Variants in ITGA11 observed in about 807,000 individuals in gnomAD.
ITGA11 encodes the protein integrin subunit alpha 11, also known as integrin alpha-11.
Under a neutral mutation model 141.9 loss-of-function variants are expected in ITGA11, and 97 were observed. The ratio of observed to expected loss-of-function variants is 0.68; its 90% CI spans 0.58 to 0.81. ITGA11 has a LOEUF of 0.81. Ranked by LOEUF, ITGA11 falls within the 30% of genes least tolerant of loss-of-function variation. ITGA11 has a pLI of 0.00. For synonymous variants in ITGA11, 658 were observed against 624.6 expected, an observed-to-expected ratio of 1.05 and a Z score of -0.80; for missense variants, 1,387 against 1,559.2, an observed-to-expected ratio of 0.89 and a Z score of 1.86.
chr15:68,365,824 C>A (rs1895405346), intron 3 of ITGA11, among the ~76,000 whole-genome samples: 1 of 151,944 alleles, frequency 6.6e-6, no homozygotes, highest in Admixed American at 6.6e-5. Context: ...CAATCTCCAA[C>A]TCCCAGGTTC....
chr15:68,327,981 T>C, intron 16 of ITGA11, 115 bp downstream of exon 16: 2 of 1,035,686 alleles, frequency 1.9e-6, no homozygotes, highest in Non-Finnish European at 2.8e-6. Flanking sequence ...AAGGTGGCTC[T>C]TGGGCGACCT....
Position 68,351,390 on chromosome 15 carries a change from G to C in ITGA11, c.762C>G (p.Phe254Leu). 6.2e-7 allele frequency: 1 copy of C among 1,613,822 alleles called. No individual in the cohort carries two copies. The highest frequency in any genetic ancestry group is 8.5e-7 in the Non-Finnish European group (1 of 1,179,864). ...TGGCTCCTTTCCTTCCACCCTTCTG[G>C]AAAGCCTCTGAGCTGGAAGCCAAGC... ...FGIEFARSEAFQKGGRKGAKK... is the reference protein window; with the variant it reads ...FGIEFARSEALQKGGRKGAKK... The change falls in exon 8 of 30, where the codon TTC (phenylalanine) becomes TTG (leucine). Residue 254 changes from phenylalanine (F) to leucine (L), a missense_variant. By Grantham distance (22) the Phe-to-Leu change is conservative. Transcript: ENST00000315757.
chr15:68,341,336 C>T (rs1316454375), intron 10 of ITGA11, among the ~76,000 whole-genome samples: 1 of 152,230 alleles, frequency 6.6e-6, no homozygotes, highest in African/African-American at 2.4e-5. Flanking sequence ...AACATTCCTG[C>T]ACGTGGGGTG....
intron 28 of ITGA11, among the ~76,000 whole-genome samples, chr15:68,306,619 AC>A (rs2140264386): frequency 6.6e-6 from 1 of 152,300 alleles, no homozygotes; most frequent in South Asian, 2.1e-4. Flanking sequence ...GAATGAACAA[AC>A]AAAAAAGCTC....
chr15:68,369,634 T>C (rs557671915), intron 2 of ITGA11, among the ~76,000 whole-genome samples: 2 of 152,292 alleles, frequency 1.3e-5, no homozygotes, highest in South Asian at 4.1e-4. Flanking sequence ...GTTTGTCAAA[T>C]GACGAGAGAG....
chr15:68,313,964 T>A (rs1893485153), intron 22 of ITGA11, 96 bp from the exon 23 acceptor site: 5 of 935,148 alleles, frequency 5.3e-6, no homozygotes, highest in Middle Eastern at 2.1e-4. Context: ...GCACACTGGC[T>A]TATCTGGGGC....
At position 68,305,202 on chromosome 15, in the gene ITGA11, A is replaced by G. The variant is rs943517063; in HGVS notation, c.3382-1317T>C. 2.0e-5 allele frequency among the ~76,000 whole-genome samples: 3 copies of G among 152,092 alleles called. No homozygotes were observed. The highest frequency in any genetic ancestry group is 4.8e-5 in the African/African-American group (2 of 41,416). On this transcript the variant is annotated intron_variant, in intron 28 of 29. Transcript: ENST00000315757. This position sits in a 1 kb window ranked among gnomAD's most constrained non-coding sequence, Gnocchi z 4.6. The stretch of plus-strand genomic sequence containing the variant: ...TGGCGTGCCTGCTGTAGGCATTGCT[A>G]TTCCCTCTGCCTGCAAGGGTTTCCC...
rs762553492 is a variant in ITGA11 at position 68,333,759 on chromosome 15, G to A, written c.1426-1281C>T. Among the ~76,000 whole-genome samples the A allele has an allele frequency of 1.2e-4, 18 of 152,138 alleles. No homozygotes were observed. Among genetic ancestry groups the A allele is most frequent in the Non-Finnish European group, 1.9e-4 (13 of 68,026 alleles). On this transcript the variant is annotated intron_variant, in intron 12 of 29. Coordinates refer to ENST00000315757, the MANE Select transcript of ITGA11 (RefSeq NM_001004439.2). The surrounding 1 kb of genome is among the most constrained non-coding windows in gnomAD (Gnocchi z 4.2). ...TAACACCACTCCACCTCTTGCTTTT[G>A]GGATAGTATCTAAACTCTCTAGCAG...
chr15:68,356,258 G>A (rs1895066831), intron 7 of ITGA11, among the ~76,000 whole-genome samples: 1 of 150,962 alleles, frequency 6.6e-6, no homozygotes. Context: ...GCCATGCCCG[G>A]CTAATTTGTT....
intron 8 of ITGA11, 106 bp from the exon 9 acceptor site, chr15:68,350,888 G>C (rs990664526): frequency 9.4e-6 from 11 of 1,166,086 alleles, no homozygotes; most frequent in Admixed American, 4.8e-5. Context: ...TGGAGCCAGG[G>C]CCGGTAGCCA....
chr15:68,314,191 G>A (rs1239243106), intron 22 of ITGA11, among the ~76,000 whole-genome samples: 4 of 152,010 alleles, frequency 2.6e-5, no homozygotes, highest in Non-Finnish European at 4.4e-5. Context: ...TCTGTCAGGC[G>A]GGCCAATCCT....
intron 2 of ITGA11, among the ~76,000 whole-genome samples, chr15:68,402,608 A>G (rs961468341): frequency 6.6e-5 from 10 of 152,218 alleles, no homozygotes; most frequent in African/African-American, 2.4e-4. Context: ...CCAGGTAGAC[A>G]TGACCAGGGG....
chr15:68,315,988 T>C (rs1893562080), intron 21 of ITGA11, among the ~76,000 whole-genome samples: 1 of 152,186 alleles, frequency 6.6e-6, no homozygotes, highest in South Asian at 2.1e-4. Flanking sequence ...CCCCCCTCCC[T>C]CTTCCTCTTC....
intron 12 of ITGA11, among the ~76,000 whole-genome samples, chr15:68,332,761 T>G (rs1894218110): frequency 6.6e-6 from 1 of 152,236 alleles, no homozygotes; most frequent in Non-Finnish European, 1.5e-5. Context: ...ATTTATCTTG[T>G]GTGTAAAGTG....
At chr15:68,369,141 C>T (rs1326009177) in intron 3 of ITGA11, 43 bp downstream of exon 3, 1 of 1,430,914 alleles carries the variant, frequency 7.0e-7, no homozygotes, top group South Asian at 1.1e-5. Flanking sequence ...TTGTGTTAGA[C>T]AACCGCTGGC....
At chr15:68,318,441 T>C (rs2140283775) in intron 20 of ITGA11, among the ~76,000 whole-genome samples, 1 of 152,152 alleles carries the variant, frequency 6.6e-6, no homozygotes, top group East Asian at 1.9e-4. Context: ...CAGACACAAG[T>C]CCCTGGACAG....
At chr15:68,329,439 A>G (rs1894083988) in intron 15 of ITGA11, among the ~76,000 whole-genome samples, 1 of 152,214 alleles carries the variant, frequency 6.6e-6, no homozygotes, top group Non-Finnish European at 1.5e-5. Context: ...GTCATGTTTG[A>G]GAACTATGGG....
rs1893908971 is a variant in ITGA11, at chr15:68,324,455, T to C, written c.2322+676A>G. On this transcript the variant is annotated intron_variant, in intron 18 of 29. Coordinates refer to ENST00000315757, the MANE Select transcript of ITGA11 (RefSeq NM_001004439.2). The surrounding 1 kb of genome is among the most constrained non-coding windows in gnomAD (Gnocchi z 6.3). ...ATCCTCAAGGTTCAGGCATTAGCTATTCCATTTTATAACTTTTGCCTGCTC... is the reference window on the plus strand; with the variant it reads ...ATCCTCAAGGTTCAGGCATTAGCTACTCCATTTTATAACTTTTGCCTGCTC... 6.6e-6 allele frequency among the ~76,000 whole-genome samples: 1 copy of C among 152,180 alleles called. No individual in the cohort carries two copies. The highest frequency in any genetic ancestry group is 1.5e-5 in the Non-Finnish European group (1 of 68,036).
At position 68,299,276 on chromosome 15, in the gene ITGA11, C is replaced by T. The variant is rs188429144; in HGVS notation, c.*3783G>A. 3.3e-5 allele frequency: 5 copies of T among 152,206 alleles called. No individual in the cohort carries two copies. The highest frequency in any genetic ancestry group is 2.9e-5 in the Non-Finnish European group (2 of 68,006). 9.4% of individuals were successfully genotyped at this position (152,206 alleles called of 1,614,324 possible). ...CAGTTTCAGTTTTGGAACATGCTGTCCTATTTTAGCATGATGTTGAAACTA... is the reference window on the plus strand; with the variant it reads ...CAGTTTCAGTTTTGGAACATGCTGTTCTATTTTAGCATGATGTTGAAACTA... On this transcript the variant is annotated 3_prime_UTR_variant, in exon 30 of 30. Coordinates refer to ENST00000315757, the MANE Select transcript of ITGA11 (RefSeq NM_001004439.2).
Sources: gnomAD v4.1 joint callset for allele counts (sites outside exome capture counted in the v4.1 genomes callset) on GRCh38, gnomAD v4.1.1 for gene constraint, Gnocchi (gnomAD v3.1) non-coding constraint, MANE v1.5 for transcripts, NCBI Gene and HGNC (gene_info 2026-07-23, HGNC 2026-07-21) for gene names.